The following SMOC1 variants were observed in gnomAD, a reference collection of about 807,000 sequenced individuals.
SMOC1 encodes the protein SPARC related modular calcium binding 1, also known as SPARC-related modular calcium-binding protein 1.
A neutral mutation model predicts 56.3 loss-of-function variants in SMOC1; 22 were observed. The observed-to-expected ratio is 0.39, with a 90% CI of 0.28 to 0.56. The LOEUF is 0.56. SMOC1 is among the 20% of genes least tolerant of loss of function. The probability of loss-of-function intolerance (pLI) is 0.61; values close to 1 mark genes in which losing one functional copy is unlikely to be tolerated. For synonymous variants in SMOC1, 193 were observed against 215.0 expected, an observed-to-expected ratio of 0.90 and a Z score of 0.89; for missense variants, 509 against 565.4, an observed-to-expected ratio of 0.90 and a Z score of 1.01.
At chr14:69,902,445 A>G (rs1379833252) in intron 1 of SMOC1, among the ~76,000 whole-genome samples, 1 of 152,038 alleles carries the variant, frequency 6.6e-6, no homozygotes, top group Non-Finnish European at 1.5e-5. Context: ...ACACCTTTTG[A>G]ATCTGGGCTG....
rs566391418 is a variant in SMOC1 at position 70,026,654 on chromosome 14, A to G, written c.1291+3207A>G. On this transcript the variant is annotated intron_variant, in intron 11 of 11. Transcript: ENST00000361956. ...TGCAACTGTCATTCTTCTTGGCCCAATACACCCTCTTGAACCTCTCACCTC... is the reference window on the plus strand; with the variant it reads ...TGCAACTGTCATTCTTCTTGGCCCAGTACACCCTCTTGAACCTCTCACCTC... Among the ~76,000 whole-genome samples the G allele has an allele frequency of 4.6e-5, 7 of 152,240 alleles. No individual in the cohort carries two copies. In the South Asian group the frequency reaches 1.5e-3, roughly 32 times the overall value.
chr14:69,977,596 G>T (rs1019464214), intron 4 of SMOC1, among the ~76,000 whole-genome samples: 1 of 152,180 alleles, frequency 6.6e-6, no homozygotes, highest in African/African-American at 2.4e-5. Flanking sequence ...GGGGTGTAAA[G>T]GTGAGGGGCA....
chr14:70,022,859 C>G (rs1885781471), intron 10 of SMOC1, among the ~76,000 whole-genome samples: 1 of 152,176 alleles, frequency 6.6e-6, no homozygotes, highest in African/African-American at 2.4e-5. Context: ...AGGGGAGGGA[C>G]AATTTGGATT....
chr14:69,942,846 T>C (rs1411420761), intron 1 of SMOC1, among the ~76,000 whole-genome samples: 2 of 152,220 alleles, frequency 1.3e-5, no homozygotes, highest in African/African-American at 4.8e-5. Flanking sequence ...GTAGGTTAAC[T>C]TGGCCCCGTT....
chr14:69,995,207 G>A (rs952724300), intron 7 of SMOC1, among the ~76,000 whole-genome samples: 1 of 152,116 alleles, frequency 6.6e-6, no homozygotes, highest in Non-Finnish European at 1.5e-5. Context: ...CTTATAGGTG[G>A]CAAGACTATG....
chr14:69,903,651 A>C (rs1450667044), intron 1 of SMOC1, among the ~76,000 whole-genome samples: 1 of 152,166 alleles, frequency 6.6e-6, no homozygotes, highest in African/African-American at 2.4e-5. Flanking sequence ...GTCAGGGTTA[A>C]ATGGATTAAG....
chr14:70,000,504 G>A (rs1884929182), intron 7 of SMOC1, among the ~76,000 whole-genome samples: 1 of 152,218 alleles, frequency 6.6e-6, no homozygotes, highest in African/African-American at 2.4e-5. Context: ...TTTGGTGGAA[G>A]GGTCATATCT....
intron 11 of SMOC1, among the ~76,000 whole-genome samples, chr14:70,026,755 G>C (rs2139623615): frequency 6.6e-6 from 1 of 152,174 alleles, no homozygotes; most frequent in East Asian, 1.9e-4. Flanking sequence ...ACACATGTCT[G>C]TTTGTGCATG....
intron 5 of SMOC1, among the ~76,000 whole-genome samples, chr14:69,980,236 G>C (rs1884128031): frequency 6.6e-6 from 1 of 152,188 alleles, no homozygotes; most frequent in Non-Finnish European, 1.5e-5. Flanking sequence ...TGCAGGAAAT[G>C]GGGGATAGAA....
At chr14:70,015,706 G>A (rs1885485821) in intron 10 of SMOC1, among the ~76,000 whole-genome samples, 1 of 152,088 alleles carries the variant, frequency 6.6e-6, no homozygotes, top group Admixed American at 6.5e-5. Context: ...GGGAGCTGCT[G>A]GAGGCGGCCT....
intron 1 of SMOC1, among the ~76,000 whole-genome samples, chr14:69,895,990 A>T (rs1884089232): frequency 6.6e-6 from 1 of 151,568 alleles, no homozygotes; most frequent in Non-Finnish European, 1.5e-5. Context: ...TTGAACTAAG[A>T]TGTGCCTCCA....
intron 1 of SMOC1, among the ~76,000 whole-genome samples, chr14:69,903,117 CAGTCTGGGAAGT>C (rs1263943839): frequency 6.6e-6 from 1 of 151,440 alleles, no homozygotes; most frequent in African/African-American, 2.4e-5. Flanking sequence ...CCCGGCTGCC[CAGTCTGGGAAGT>C]GAGGACCGCC....
intron 6 of SMOC1, among the ~76,000 whole-genome samples, chr14:69,993,116 G>A (rs1884623041): frequency 6.6e-6 from 1 of 152,182 alleles, no homozygotes; most frequent in Non-Finnish European, 1.5e-5. Context: ...ATGAGGTAGG[G>A]ATGGGATACA....
chr14:69,934,550 T>C (rs1885249153), intron 1 of SMOC1, among the ~76,000 whole-genome samples: 2 of 152,208 alleles, frequency 1.3e-5, no homozygotes, highest in African/African-American at 2.4e-5. Flanking sequence ...TGTTGGGTCC[T>C]AGAAAAATTG....
intron 5 of SMOC1, among the ~76,000 whole-genome samples, chr14:69,986,937 A>C (rs1277074143): frequency 1.3e-5 from 2 of 152,222 alleles, no homozygotes; most frequent in Non-Finnish European, 2.9e-5. Flanking sequence ...TTCACCATCC[A>C]TTTCTGAGCC....
At chr14:70,000,908 G>A (rs1332958826) in intron 7 of SMOC1, among the ~76,000 whole-genome samples, 1 of 152,206 alleles carries the variant, frequency 6.6e-6, no homozygotes, top group Non-Finnish European at 1.5e-5. Flanking sequence ...GGTGGCCTCG[G>A]CCAACGTCAG....
At position 70,010,763 on chromosome 14, in the gene SMOC1, A is replaced by G; in HGVS notation, c.674A>G (p.Tyr225Cys). 6.2e-7 allele frequency: 1 copy of G among 1,614,188 alleles called. No individual in the cohort carries two copies. The change falls in exon 8 of 12, where the codon TAT becomes TGT. Residue 225 changes from tyrosine (Y) to cysteine (C), a missense_variant. Transcript: ENST00000361956. ...NTNIRNSEKVYSCDQERQSAL... is the reference protein window; with the variant it reads ...NTNIRNSEKVCSCDQERQSAL... ...GTGTCTTCTCTTGCAGAGAAAGTCT[A>G]TTCGTGTGACCAGGAGAGGCAGAGT...
chr14:69,879,921 T>C, intron 1 of SMOC1, 144 bp downstream of exon 1: 2 of 694,694 alleles, frequency 2.9e-6, no homozygotes, highest in Non-Finnish European at 4.5e-6. Flanking sequence ...GCGGGCTTGG[T>C]GAAGTTGCTG....
chr14:69,943,325 G>T (rs1027338138), intron 1 of SMOC1, among the ~76,000 whole-genome samples: 4 of 152,158 alleles, frequency 2.6e-5, no homozygotes, highest in African/African-American at 9.7e-5. Context: ...TCTTCACGGA[G>T]CCCCCCTCTG....
Sources: allele counts gnomAD v4.1 joint callset (sites outside exome capture counted in the v4.1 genomes callset), GRCh38; gene constraint gnomAD v4.1.1; transcripts MANE v1.5; gene names NCBI Gene and HGNC (gene_info 2026-07-23, HGNC 2026-07-21).